Variants in ARSG observed in about 807,000 individuals in gnomAD.
ARSG encodes the protein ASG.
Under a neutral mutation model 50.5 loss-of-function variants are expected in ARSG, and 37 were observed. That is an observed-to-expected ratio of 0.73 (90% CI 0.56 to 0.96). The LOEUF (loss-of-function observed/expected upper bound fraction) is 0.96. ARSG is among the 50% of genes least tolerant of loss of function. ARSG has a pLI of 0.00. For synonymous variants in ARSG, 225 were observed against 254.6 expected (o/e 0.88, Z 1.11); for missense variants, 629 against 675.3 (o/e 0.93, Z 0.76).
intron 1 of ARSG, among the ~76,000 whole-genome samples, chr17:68,264,920 G>A (rs2075127905): frequency 6.6e-6 from 1 of 151,550 alleles, no homozygotes; most frequent in East Asian, 2.0e-4. Context: ...TTGGGAGGCC[G>A]AGGTGGGTGG....
At chr17:68,356,846 C>T (rs2079057493) in intron 6 of ARSG, 42 bp downstream of exon 6, 1 of 1,612,242 alleles carries the variant, frequency 6.2e-7, no homozygotes, top group African/African-American at 1.3e-5. Flanking sequence ...CCCCTGCCTC[C>T]ACCTACCCGT....
intron 8 of ARSG, among the ~76,000 whole-genome samples, chr17:68,380,256 T>G (rs983207684): frequency 6.6e-6 from 1 of 151,854 alleles, no homozygotes; most frequent in South Asian, 2.1e-4. Context: ...TTTACTCTTT[T>G]TTTTTTGGAC....
chr17:68,295,014 A>G (rs2076156453), intron 1 of ARSG, among the ~76,000 whole-genome samples: 1 of 152,202 alleles, frequency 6.6e-6, no homozygotes, highest in African/African-American at 2.4e-5. Flanking sequence ...TACAGTTGCT[A>G]AGTTAACTGA....
At chr17:68,449,348 G>C in the ARSG span, among the ~76,000 whole-genome samples, 1 of 152,182 alleles carries the variant, frequency 6.6e-6, no homozygotes, top group African/African-American at 2.4e-5. Context: ...ACAGTAATTT[G>C]GCCAAGCGTG....
intron 6 of ARSG, among the ~76,000 whole-genome samples, chr17:68,366,540 G>T (rs1237346460): frequency 2.6e-5 from 4 of 152,144 alleles, no homozygotes. Flanking sequence ...GGGAGAGTTG[G>T]CATCAGGCAC....
chr17:68,404,067 C>T (rs562030222), intron 11 of ARSG, among the ~76,000 whole-genome samples: 1 of 152,258 alleles, frequency 6.6e-6, no homozygotes, highest in South Asian at 2.1e-4. Flanking sequence ...CATAGTATTC[C>T]ATGGTGTATA....
At chr17:68,264,739 A>C (rs148609632) in intron 1 of ARSG, among the ~76,000 whole-genome samples, 4,020 of 152,068 alleles carry the variant, frequency 0.026, 81 homozygotes, top group Middle Eastern at 0.078. Context: ...ACCTGGCCCA[A>C]CTCATTTTTA....
At chr17:68,430,245 C>T in the ARSG span, 1 of 1,366,134 alleles carries the variant, frequency 7.3e-7, no homozygotes, top group East Asian at 2.3e-5. Flanking sequence ...GCGTCATTAG[C>T]CACACTCCCC....
At chr17:68,421,477 C>A (rs1337371605), downstream of ARSG, 1 of 392,308 alleles carries the variant, frequency 2.5e-6, no homozygotes, top group African/African-American at 2.0e-5. Flanking sequence ...AAAGGAGGCC[C>A]CTTTTAATAT....
At chr17:68,356,582 A>T (rs2079041109) in intron 5 of ARSG, 85 bp from the exon 6 acceptor site, 2 of 1,471,010 alleles carry the variant, frequency 1.4e-6, no homozygotes, top group Admixed American at 3.6e-5. Context: ...ATTTATGTGC[A>T]TATGCATTGT....
At chr17:68,262,928 TG>T (rs1336815608) in intron 1 of ARSG, among the ~76,000 whole-genome samples, 8 of 152,158 alleles carry the variant, frequency 5.3e-5, no homozygotes, top group Admixed American at 2.0e-4. Context: ...GGACTAAGAA[TG>T]GGAGGTGCCA....
At chr17:68,401,293 G>T in intron 10 of ARSG, 67 bp from the exon 11 acceptor site, 1 of 1,405,338 alleles carries the variant, frequency 7.1e-7, no homozygotes, top group South Asian at 1.2e-5. Context: ...AAGGTATTGG[G>T]ATTACAGGCA....
chr17:68,321,358 G>A, intron 2 of ARSG, among the ~76,000 whole-genome samples: 1 of 152,178 alleles, frequency 6.6e-6, no homozygotes, highest in Non-Finnish European at 1.5e-5. Context: ...TAAGTCAGCT[G>A]TGTTCCCATT....
At chr17:68,297,145 T>C (rs912440245) in intron 1 of ARSG, among the ~76,000 whole-genome samples, 29 of 152,234 alleles carry the variant, frequency 1.9e-4, no homozygotes, top group Admixed American at 5.2e-4. Context: ...CCAAGCATCC[T>C]GGACAAAGAG....
chr17:68,286,697 G>C (rs1485912760), upstream of ARSG, among the ~76,000 whole-genome samples: 3 of 151,990 alleles, frequency 2.0e-5, no homozygotes, highest in African/African-American at 7.3e-5. Context: ...TAGAGATGAG[G>C]TTTCAGTATG....
At chr17:68,413,373 C>T (rs1214890402) in intron 11 of ARSG, among the ~76,000 whole-genome samples, 1 of 152,166 alleles carries the variant, frequency 6.6e-6, no homozygotes, top group Non-Finnish European at 1.5e-5. Context: ...TGTTGGAGTA[C>T]TGGGCCCTGT....
At chr17:68,317,603 G>A (rs148851210) in intron 2 of ARSG, among the ~76,000 whole-genome samples, 47 of 152,102 alleles carry the variant, frequency 3.1e-4, no homozygotes, top group African/African-American at 8.4e-4. Context: ...AAGTCCCCTC[G>A]CACATGTCAG....
intron 5 of ARSG, among the ~76,000 whole-genome samples, chr17:68,353,138 T>C (rs1342878649): frequency 6.6e-6 from 1 of 151,982 alleles, no homozygotes; most frequent in East Asian, 1.9e-4. Context: ...GAGGTAGGTA[T>C]TTCTTAGGTT....
intron 2 of ARSG, among the ~76,000 whole-genome samples, chr17:68,338,857 G>A (rs1198486829): frequency 6.6e-6 from 1 of 152,230 alleles, no homozygotes; most frequent in Non-Finnish European, 1.5e-5. Context: ...GAAACTGGAA[G>A]GTCATTGAGT....
Sources: allele counts gnomAD v4.1 joint callset (sites outside exome capture counted in the v4.1 genomes callset), GRCh38; gene constraint gnomAD v4.1.1; transcripts MANE v1.5; gene names NCBI Gene and HGNC (gene_info 2026-07-23, HGNC 2026-07-21).